CDH22: variants seen among roughly 807,000 people sequenced by gnomAD.
The protein encoded by CDH22 is cadherin-22.
In CDH22, 30 loss-of-function variants were observed where a neutral mutation model predicts 58.4. The ratio of observed to expected loss-of-function variants is 0.51; its 90% CI spans 0.38 to 0.70. The LOEUF is 0.70. Among genes scored for constraint, CDH22 ranks in the 30% least tolerant of loss-of-function variants. CDH22 has a pLI of 0.00. For synonymous variants in CDH22, 513 were observed against 558.2 expected (o/e 0.92, Z 1.14); for missense variants, 1,014 against 1,233.9 (o/e 0.82, Z 2.67).
intron 3 of CDH22, among the ~76,000 whole-genome samples, chr20:46,239,419 G>T (rs1362869365): frequency 2.0e-5 from 3 of 152,178 alleles, no homozygotes; most frequent in African/African-American, 7.2e-5. Flanking sequence ...CACATCCACA[G>T]CCCCACTGTT....
Position 46,174,272 on chromosome 20 carries a change from T to G in CDH22, c.*234A>C. The G allele has an allele frequency of 2.0e-6, 1 of 490,686 alleles. No homozygotes were observed. The highest frequency in any genetic ancestry group is 3.5e-6 in the Non-Finnish European group (1 of 282,322). 30.4% of individuals were successfully genotyped at this position (490,686 alleles called of 1,614,324 possible). On this transcript the variant is annotated 3_prime_UTR_variant, in exon 12 of 12. Coordinates refer to ENST00000537909, the MANE Select transcript of CDH22 (RefSeq NM_021248.3). This position sits in a 1 kb window ranked among gnomAD's most constrained non-coding sequence, Gnocchi z 4.4. ...CCCCAGAGCCACACCGTGCCCGGTCTCGCCTCAGTTTTAATGCCGTTGGTC... is the reference window on the plus strand; with the variant it reads ...CCCCAGAGCCACACCGTGCCCGGTCGCGCCTCAGTTTTAATGCCGTTGGTC...
At chr20:46,211,912 A>G (rs898636887) in intron 6 of CDH22, among the ~76,000 whole-genome samples, 10 of 152,008 alleles carry the variant, frequency 6.6e-5, no homozygotes, top group African/African-American at 2.4e-4. Flanking sequence ...TTTCTCATCT[A>G]TAAAATGAAC....
At position 46,175,088 on chromosome 20, in the gene CDH22, G is replaced by A. The variant is rs1307612610; in HGVS notation, c.1916-11C>T. 1.9e-6 allele frequency: 3 copies of A among 1,575,646 alleles called. No homozygotes were observed. Among genetic ancestry groups the A allele is most frequent in the Non-Finnish European group, 2.6e-6 (3 of 1,164,824 alleles). On this transcript the variant is annotated splice_polypyrimidine_tract_variant and intron_variant, in intron 11 of 11. Transcript: ENST00000537909. ...TCAGCAGCACCAGCACTGCGAGGGGGACAGAGGGGGCAACTGAGGGCCAAG... is the reference window on the plus strand; with the variant it reads ...TCAGCAGCACCAGCACTGCGAGGGGAACAGAGGGGGCAACTGAGGGCCAAG...
chr20:46,227,529 A>AGTG lies in CDH22; in HGVS notation c.646_648dup (p.His216dup). The stretch of plus-strand genomic sequence containing the variant: ...TCACCGGTCTTGGGGTCCACGGTGA[A>AGTG]GTGGTGCTCGCCGTCCAGCACGCTG... On this transcript the variant is annotated inframe_insertion, in exon 4 of 12. Coordinates refer to ENST00000537909, the MANE Select transcript of CDH22 (RefSeq NM_021248.3). 3 of 1,608,486 alleles carry AGTG rather than the reference A, an allele frequency of 1.9e-6. No individual in the cohort carries two copies. Among genetic ancestry groups the AGTG allele is most frequent in the Non-Finnish European group, 8.5e-7 (1 of 1,178,626 alleles).
intron 3 of CDH22, among the ~76,000 whole-genome samples, chr20:46,235,953 C>A (rs1357752025): frequency 6.6e-6 from 1 of 152,214 alleles, no homozygotes; most frequent in Non-Finnish European, 1.5e-5. Flanking sequence ...CTTTCAATGG[C>A]TACCAAGTCC....
At chr20:46,192,574 G>A (rs956051229) in intron 8 of CDH22, among the ~76,000 whole-genome samples, 4 of 151,828 alleles carry the variant, frequency 2.6e-5, no homozygotes, top group African/African-American at 9.7e-5. Flanking sequence ...AGAGTGGGGG[G>A]TGGAGTGGGA....
rs1436277306 is a variant in CDH22 at position 46,174,294 on chromosome 20, G to A, written c.*212C>T. The stretch of plus-strand genomic sequence containing the variant: ...GTCTCGCCTCAGTTTTAATGCCGTT[G>A]GTCAGAATCCCGCACCTCTGGGCTC... On this transcript the variant is annotated 3_prime_UTR_variant, in exon 12 of 12. Transcript: ENST00000537909. The surrounding 1 kb of genome is among the most constrained non-coding windows in gnomAD (Gnocchi z 4.4). The A allele has an allele frequency of 9.8e-6, 5 of 508,514 alleles. No homozygotes were observed. The highest frequency in any genetic ancestry group is 1.7e-5 in the Non-Finnish European group (5 of 292,418). 31.5% of individuals were successfully genotyped at this position (508,514 alleles called of 1,614,324 possible). A position where few individuals can be genotyped will look rare whatever the true frequency, so the allele number is the denominator to read the frequency against.
chr20:46,189,198 G>A (rs2085846918), intron 8 of CDH22, among the ~76,000 whole-genome samples: 1 of 152,140 alleles, frequency 6.6e-6, no homozygotes, highest in African/African-American at 2.4e-5. Context: ...CTTAGCCAGG[G>A]GCACATTATC....
chr20:46,273,620 C>A (rs1257137637), intron 1 of CDH22, among the ~76,000 whole-genome samples: 2 of 152,190 alleles, frequency 1.3e-5, no homozygotes, highest in African/African-American at 4.8e-5. Context: ...GTGCTCAGAG[C>A]TCGGTGAGCT....
At chr20:46,183,955 C>T (rs542377730) in intron 10 of CDH22, among the ~76,000 whole-genome samples, 1 of 152,200 alleles carries the variant, frequency 6.6e-6, no homozygotes, top group South Asian at 2.1e-4. Context: ...CACCACAGGG[C>T]CTTTGCACTT....
intron 3 of CDH22, among the ~76,000 whole-genome samples, chr20:46,237,631 A>G (rs2086262540): frequency 2.0e-5 from 3 of 152,084 alleles, no homozygotes; most frequent in Admixed American, 1.3e-4. Flanking sequence ...AGCTGGTTCA[A>G]ATTGAGTCCC....
chr20:46,254,620 A>AGTTC, intron 1 of CDH22, among the ~76,000 whole-genome samples: 1 of 152,076 alleles, frequency 6.6e-6, no homozygotes, highest in African/African-American at 2.4e-5. Flanking sequence ...GGTGGGGGAC[A>AGTTC]CAGATAATAG....
chr20:46,245,803 T>C (rs1600714633), intron 2 of CDH22, among the ~76,000 whole-genome samples: 2 of 152,206 alleles, frequency 1.3e-5, no homozygotes, highest in African/African-American at 4.8e-5. Context: ...CTAGACCTTT[T>C]ACTGCTGTCT....
chr20:46,227,681 TC>T (rs2086188863), intron 3 of CDH22, 54 bp from the exon 4 acceptor site: 2 of 1,553,758 alleles, frequency 1.3e-6, no homozygotes, highest in African/African-American at 2.7e-5. Flanking sequence ...CGGAGCTCGT[TC>T]CCCCACTTCG....
chr20:46,304,082 G>A (rs936851219), intron 1 of CDH22, among the ~76,000 whole-genome samples: 5 of 152,132 alleles, frequency 3.3e-5, no homozygotes, highest in East Asian at 1.9e-4. Flanking sequence ...CCACACTGCC[G>A]GCTGCATGCA....
intron 7 of CDH22, among the ~76,000 whole-genome samples, chr20:46,201,451 C>T (rs2085960869): frequency 6.6e-6 from 1 of 152,206 alleles, no homozygotes. Flanking sequence ...CCCACTGGGA[C>T]TTCGTGGGTC....
chr20:46,263,620 G>C (rs1029695063), intron 1 of CDH22, among the ~76,000 whole-genome samples: 1 of 152,126 alleles, frequency 6.6e-6, no homozygotes, highest in Admixed American at 6.6e-5. Flanking sequence ...CCTGAGAAGG[G>C]GTTTTTTAGC....
rs544102785 is a variant in CDH22 at position 46,211,910 on chromosome 20, C to A, written c.1032+1085G>T. Among the ~76,000 whole-genome samples, 3 of 151,908 alleles carry A rather than the reference C, an allele frequency of 2.0e-5. No homozygotes were observed. The East Asian group carries it at 5.8e-4, about 29-fold the overall frequency. On this transcript the variant is annotated intron_variant, in intron 6 of 11. Transcript: ENST00000537909. Reference sequence around the variant, plus strand: ...ACTTCTTGGGGCCTCAGTTTCTCATCTATAAAATGAACGATTACAGCATCT... The same window carrying A: ...ACTTCTTGGGGCCTCAGTTTCTCATATATAAAATGAACGATTACAGCATCT...
intron 10 of CDH22, among the ~76,000 whole-genome samples, chr20:46,181,435 C>T (rs1312451454): frequency 3.3e-5 from 5 of 152,124 alleles, no homozygotes; most frequent in African/African-American, 1.2e-4. Context: ...CACTCAGGGA[C>T]CCGGGACACT....
Sources: allele counts gnomAD v4.1 joint callset (sites outside exome capture counted in the v4.1 genomes callset), GRCh38; gene constraint gnomAD v4.1.1; non-coding constraint Gnocchi (gnomAD v3.1); transcripts MANE v1.5; gene names NCBI Gene and HGNC (gene_info 2026-07-23, HGNC 2026-07-21).